ANTXR2: variants seen among roughly 807,000 people sequenced by gnomAD.
ANTXR2 encodes the protein anthrax toxin receptor 2.
Under a neutral mutation model 73.7 loss-of-function variants are expected in ANTXR2, and 44 were observed. That is an observed-to-expected ratio of 0.60 (90% confidence interval 0.47 to 0.77). The LOEUF is 0.77. Among genes scored for constraint, ANTXR2 ranks in the 30% least tolerant of loss-of-function variants. ANTXR2 has a pLI of 0.00. For synonymous variants in ANTXR2, 217 were observed against 205.9 expected, an observed-to-expected ratio of 1.05 and a Z score of -0.46; for missense variants, 604 against 592.5, an observed-to-expected ratio of 1.02 and a Z score of -0.20.
intron 16 of ANTXR2, among the ~76,000 whole-genome samples, chr4:79,952,253 T>TTAG (rs1728736297): frequency 6.6e-6 from 1 of 151,294 alleles, no homozygotes; most frequent in Non-Finnish European, 1.5e-5. Context: ...CCATCTTGAC[T>TTAG]ATACAACTGG....
At chr4:80,055,282 CA>C in intron 5 of ANTXR2, 64 bp from the exon 6 acceptor site, 3 of 1,548,900 alleles carry the variant, frequency 1.9e-6, no homozygotes, top group Non-Finnish European at 1.8e-6. Flanking sequence ...GTGAATTATT[CA>C]AATATCAAGC....
chr4:79,966,346 C>A (rs1233252939), intron 16 of ANTXR2, among the ~76,000 whole-genome samples: 2 of 152,092 alleles, frequency 1.3e-5, no homozygotes, highest in African/African-American at 4.8e-5. Context: ...TTGGTAAAAA[C>A]CATAAGGTTC....
intron 7 of ANTXR2, among the ~76,000 whole-genome samples, chr4:80,051,673 T>C (rs1733778182): frequency 6.6e-6 from 1 of 151,704 alleles, no homozygotes; most frequent in Non-Finnish European, 1.5e-5. Flanking sequence ...CTGGATCAAA[T>C]ACATTTTAGA....
intron 16 of ANTXR2, among the ~76,000 whole-genome samples, chr4:79,949,235 T>C (rs1416383244): frequency 6.6e-6 from 1 of 152,114 alleles, no homozygotes; most frequent in Non-Finnish European, 1.5e-5. Flanking sequence ...TTTGGCACAT[T>C]ATGACATGAT....
intron 3 of ANTXR2, among the ~76,000 whole-genome samples, chr4:80,061,061 G>C (rs1028263839): frequency 1.3e-5 from 2 of 152,104 alleles, no homozygotes; most frequent in African/African-American, 2.4e-5. Flanking sequence ...ACATGGCTAG[G>C]TTGGGCTTCT....
At chr4:79,920,596 G>T (rs1274989729) in intron 16 of ANTXR2, among the ~76,000 whole-genome samples, 1 of 152,050 alleles carries the variant, frequency 6.6e-6, no homozygotes, top group East Asian at 1.9e-4. Flanking sequence ...AAGGGCAAAG[G>T]CTGTGGGGAA....
chr4:80,018,594 GA>G (rs1451424725), intron 11 of ANTXR2, among the ~76,000 whole-genome samples: 1 of 151,936 alleles, frequency 6.6e-6, no homozygotes, highest in Admixed American at 6.6e-5. Context: ...AATGTTTTAA[GA>G]AAAAAAGTGC....
At chr4:80,045,781 CTCTTG>C in intron 7 of ANTXR2, among the ~76,000 whole-genome samples, 1 of 151,702 alleles carries the variant, frequency 6.6e-6, no homozygotes, top group East Asian at 1.9e-4. Context: ...GTTTCTCATC[CTCTTG>C]TCTTGTTTCC....
chr4:79,950,925 T>G (rs1409508051), intron 16 of ANTXR2, among the ~76,000 whole-genome samples: 1 of 152,168 alleles, frequency 6.6e-6, no homozygotes, highest in East Asian at 1.9e-4. Context: ...AATCAAGTCC[T>G]GCTAGCATCC....
At chr4:80,023,238 T>G (rs1440060878) in intron 10 of ANTXR2, among the ~76,000 whole-genome samples, 1 of 152,190 alleles carries the variant, frequency 6.6e-6, no homozygotes, top group Non-Finnish European at 1.5e-5. Flanking sequence ...GTAAAAAATT[T>G]TTTCAATGCC....
intron 16 of ANTXR2, among the ~76,000 whole-genome samples, chr4:79,937,138 T>C (rs990645563): frequency 1.1e-4 from 16 of 152,168 alleles, no homozygotes; most frequent in South Asian, 6.2e-4. Flanking sequence ...AATTCAGTTA[T>C]AAATAGGACT....
chr4:80,043,777 T>A (rs1733390791), intron 7 of ANTXR2, among the ~76,000 whole-genome samples: 1 of 151,992 alleles, frequency 6.6e-6, no homozygotes, highest in Non-Finnish European at 1.5e-5. Flanking sequence ...TCCTTGAGAT[T>A]ATAGATGTTT....
chr4:80,010,641 T>C (rs958343180), intron 11 of ANTXR2, among the ~76,000 whole-genome samples: 1 of 152,174 alleles, frequency 6.6e-6, no homozygotes, highest in Admixed American at 6.5e-5. Context: ...TTGTTTCTTC[T>C]ATGCATGTGC....
intron 16 of ANTXR2, among the ~76,000 whole-genome samples, chr4:79,949,294 C>T (rs923191065): frequency 1.3e-5 from 2 of 152,058 alleles, no homozygotes; most frequent in Non-Finnish European, 2.9e-5. Flanking sequence ...TAGAGGGTGA[C>T]AGGTAGTAAT....
chr4:80,072,282 CA>C (rs1734830063), intron 1 of ANTXR2, 126 bp downstream of exon 1: 1 of 1,095,524 alleles, frequency 9.1e-7, no homozygotes, highest in Admixed American at 3.5e-5. Context: ...AAGAAGACAG[CA>C]ACAGGGCACC....
At chr4:80,041,709 AC>A (rs1733260003) in intron 7 of ANTXR2, among the ~76,000 whole-genome samples, 1 of 152,078 alleles carries the variant, frequency 6.6e-6, no homozygotes, top group Admixed American at 6.6e-5. Context: ...GTAAGTGAGG[AC>A]ATGCAGTGTT....
At chr4:80,010,058 A>G (rs1434713766) in intron 11 of ANTXR2, among the ~76,000 whole-genome samples, 3 of 146,012 alleles carry the variant, frequency 2.1e-5, no homozygotes, top group African/African-American at 5.0e-5. Flanking sequence ...TTTTTTTTTT[A>G]TGAGAAAAAA....
intron 16 of ANTXR2, among the ~76,000 whole-genome samples, chr4:79,975,933 G>C (rs1428255624): frequency 1.8e-5 from 1 of 55,876 alleles, no homozygotes; most frequent in Admixed American, 2.9e-4. Context: ...TTTTTTTTGA[G>C]ACGTAGTCTC....
rs1218485797 is a variant in ANTXR2 at position 79,984,824 on chromosome 4, T to C, written c.1081A>G (p.Lys361Glu). Residue 361 changes from lysine to glutamate, a missense_variant, in exon 13 of 17, where the codon AAA becomes GAA. Lys to Glu is a moderately conservative substitution (Grantham distance 56). Transcript: ENST00000403729. ...DPPPPPAPAP[K>E]EEEEEPLPTK... ...TTTTTTAGGCACTCACTTACCTCTT[T>C]TGGTGCAGGGGCGGGTGGTGGTGGA... 1.9e-6 allele frequency: 3 copies of C among 1,609,174 alleles called. No homozygotes were observed. The highest frequency in any genetic ancestry group is 1.3e-5 in the African/African-American group (1 of 74,946).
Sources: gnomAD v4.1 joint callset for allele counts (sites outside exome capture counted in the v4.1 genomes callset) on GRCh38, gnomAD v4.1.1 for gene constraint, MANE v1.5 for transcripts, NCBI Gene and HGNC (gene_info 2026-07-23, HGNC 2026-07-21) for gene names.